The following GLI3 variants were observed in gnomAD, a reference collection of about 807,000 sequenced individuals.
The protein encoded by GLI3 is transcription activator GLI3.
In GLI3, 20 loss-of-function variants were observed where a neutral mutation model predicts 100.8. The ratio of observed to expected loss-of-function variants is 0.20; its 90% confidence interval spans 0.14 to 0.29. GLI3 has a LOEUF of 0.29. GLI3 is among the 10% of genes least tolerant of loss of function. The probability of loss-of-function intolerance (pLI) is 1.00; values close to 1 mark genes in which losing one functional copy is unlikely to be tolerated. For missense variants in GLI3, 2,040 were observed against 2,128.5 expected (o/e 0.96, Z 0.82); for synonymous variants, 938 against 860.5 (o/e 1.09, Z -1.58).
intron 4 of GLI3, among the ~76,000 whole-genome samples, chr7:42,055,821 A>G (rs1188111033): frequency 1.3e-5 from 2 of 152,252 alleles, no homozygotes; most frequent in South Asian, 2.1e-4. Context: ...AACTACATGT[A>G]TAACCACACA....
intron 1 of GLI3, chr7:42,227,687 A>AAGCAAGAGAACAGAAAGCG (rs1383547838): frequency 9.8e-5 from 15 of 152,304 alleles, no homozygotes; most frequent in Non-Finnish European, 1.9e-4. Flanking sequence ...ATTTGAAAGT[A>AAGCAAGAGAACAGAAAGCG]AGCAAGAGAA....
intron 2 of GLI3, among the ~76,000 whole-genome samples, chr7:42,173,938 G>A (rs1404734994): frequency 6.6e-6 from 1 of 152,094 alleles, no homozygotes; most frequent in Non-Finnish European, 1.5e-5. Context: ...ATCACTAAAG[G>A]ATTACAGAAA....
chr7:42,174,825 C>T (rs1408664108), intron 2 of GLI3, among the ~76,000 whole-genome samples: 2 of 152,158 alleles, frequency 1.3e-5, no homozygotes, highest in African/African-American at 2.4e-5. Flanking sequence ...AGCTCCAGCT[C>T]GGGCAAGTCA....
chr7:41,993,243 G>C (rs1318431969), intron 10 of GLI3, among the ~76,000 whole-genome samples: 1 of 152,148 alleles, frequency 6.6e-6, no homozygotes, highest in Non-Finnish European at 1.5e-5. Flanking sequence ...CAGAGCCAGG[G>C]TTTTAGAGGA....
intron 3 of GLI3, among the ~76,000 whole-genome samples, chr7:42,093,284 C>A (rs1173610096): frequency 6.7e-6 from 1 of 150,086 alleles, no homozygotes; most frequent in African/African-American, 2.5e-5. Context: ...GAGGCTGAGG[C>A]AGGAGAATCA....
At chr7:42,005,458 T>TACACACAC (rs3030321) in intron 10 of GLI3, among the ~76,000 whole-genome samples, 17,754 of 143,482 alleles carry the variant, frequency 0.12, 1,222 homozygotes, top group East Asian at 0.28. Flanking sequence ...TGAATTCACA[T>TACACACAC]ACACACACAC....
intron 2 of GLI3, among the ~76,000 whole-genome samples, chr7:42,198,929 CTTT>C (rs34261962): frequency 6.8e-6 from 1 of 146,160 alleles, no homozygotes; most frequent in Admixed American, 6.8e-5. Context: ...GAAAAAGTTT[CTTT>C]TTTTTTTTTT....
chr7:42,122,060 A>C (rs914339508), intron 3 of GLI3, among the ~76,000 whole-genome samples: 1 of 152,154 alleles, frequency 6.6e-6, no homozygotes, highest in South Asian at 2.1e-4. Context: ...AGAACATGCA[A>C]ACAAGTTATC....
At chr7:42,260,908 C>CTATTTATA (rs1290782509) in intron 1 of GLI3, among the ~76,000 whole-genome samples, 1 of 152,060 alleles carries the variant, frequency 6.6e-6, no homozygotes, top group Non-Finnish European at 1.5e-5. Context: ...GTTGGTGGTG[C>CTATTTATA]TATTTATATA....
At chr7:42,020,306 C>T (rs927259731) in intron 10 of GLI3, among the ~76,000 whole-genome samples, 1 of 152,162 alleles carries the variant, frequency 6.6e-6, no homozygotes, top group Non-Finnish European at 1.5e-5. Context: ...CTCTGGAATT[C>T]CAACCGTGCA....
At chr7:42,078,307 C>A (rs1443849860) in intron 3 of GLI3, among the ~76,000 whole-genome samples, 2 of 152,204 alleles carry the variant, frequency 1.3e-5, no homozygotes, top group Non-Finnish European at 2.9e-5. Context: ...ATAAGCACAA[C>A]AAACATGTTT....
chr7:42,223,410 A>T, intron 1 of GLI3, 115 bp from the exon 2 acceptor site: 1 of 627,078 alleles, frequency 1.6e-6, no homozygotes, highest in Non-Finnish European at 2.8e-6. Context: ...GGAAATTCAA[A>T]ATGTGGATGA....
At position 42,252,073 on chromosome 7, in the gene GLI3, G is replaced by A. The variant is rs193206918; in HGVS notation, c.-43+11921C>T. On this transcript the variant is annotated intron_variant, in intron 1 of 2. Coordinates refer to the GLI3 transcript ENST00000678978. ...GCACACTGCAGCACTATTCACAATA[G>A]CAAAGATATGGAATCAATCTAAATG... Among the ~76,000 whole-genome samples the A allele has an allele frequency of 1.0e-3, 154 of 152,250 alleles. 2 individuals carry two copies. Among genetic ancestry groups the A allele is most frequent in the African/African-American group, 3.5e-3 (144 of 41,548 alleles).
In GLI3 at chr7:42,045,388, C is replaced by T; in HGVS notation, c.822G>A (p.Met274Ile). Residue 274 changes from methionine to isoleucine, a missense_variant, in exon 6 of 15, where the codon ATG (methionine) becomes ATA (isoleucine). Met to Ile is a conservative substitution (Grantham distance 10, BLOSUM62 1). Coordinates refer to ENST00000395925, the MANE Select transcript of GLI3 (RefSeq NM_000168.6). The part of the protein sequence containing the change: ...GAIHMEYLHA[M>I]DSTRFSSPRL... ...GAAACCAGCCCCGTCACTTACTATC[C>T]ATAGCATGAAGATATTCCATGTGGA... 1 of 1,613,930 alleles carries T rather than the reference C, an allele frequency of 6.2e-7. No homozygotes were observed. The highest frequency in any genetic ancestry group is 8.5e-7 in the Non-Finnish European group (1 of 1,179,822).
chr7:42,173,147 T>A (rs1042168167), intron 2 of GLI3, among the ~76,000 whole-genome samples: 1 of 152,218 alleles, frequency 6.6e-6, no homozygotes, highest in Non-Finnish European at 1.5e-5. Context: ...GGTGAAATAC[T>A]TGATGCCTGG....
chr7:41,966,008 G>C lies in GLI3; in HGVS notation c.3065C>G (p.Pro1022Arg), dbSNP rs780814828. The C allele has an allele frequency of 5.6e-6, 9 of 1,599,402 alleles. No individual in the cohort carries two copies. The African/African-American group carries it at 6.7e-5, about 12-fold the overall frequency. ...GSEGLALPRVPRFSSLSSCNP... is the reference protein window; with the variant it reads ...GSEGLALPRVRRFSSLSSCNP... The stretch of plus-strand genomic sequence containing the variant: ...GCAGCTGCTGAGGCTGCTGAAGCGC[G>C]GCACACGAGGCAGGGCCAGGCCCTC... Residue 1022 changes from proline to arginine, a missense_variant, in exon 15 of 15, where the codon CCG (proline) becomes CGG (arginine). By Grantham distance (103) the Pro-to-Arg change is moderately radical. Coordinates refer to ENST00000395925, the MANE Select transcript of GLI3 (RefSeq NM_000168.6). The surrounding 1 kb of genome is among the most constrained non-coding windows in gnomAD (Gnocchi z 5.8).
chr7:42,183,245 T>A (rs1260035088), intron 2 of GLI3, among the ~76,000 whole-genome samples: 2 of 152,018 alleles, frequency 1.3e-5, no homozygotes, highest in African/African-American at 4.8e-5. Flanking sequence ...AAAAAATCAC[T>A]GTTAATATTG....
At chr7:42,216,267 A>T (rs1381865879) in intron 2 of GLI3, among the ~76,000 whole-genome samples, 3 of 152,180 alleles carry the variant, frequency 2.0e-5, no homozygotes, top group Non-Finnish European at 2.9e-5. Flanking sequence ...GTGAGCAGGG[A>T]GCGGGTAAGG....
chr7:42,151,114 C>T (rs895084324), intron 2 of GLI3: 9 of 152,034 alleles, frequency 5.9e-5, no homozygotes, highest in Admixed American at 4.6e-4. Context: ...ATTTTTTTTA[C>T]GTGAAAACTT....
Sources: allele counts gnomAD v4.1 joint callset (sites outside exome capture counted in the v4.1 genomes callset), GRCh38; gene constraint gnomAD v4.1.1; non-coding constraint Gnocchi (gnomAD v3.1); transcripts MANE v1.5; gene names NCBI Gene and HGNC (gene_info 2026-07-23, HGNC 2026-07-21).